Variants in CDC37 observed in about 807,000 individuals in gnomAD.
CDC37 encodes the protein cell division cycle 37, HSP90 cochaperone.
CDC37 carries 9 observed loss-of-function variants against 46.9 expected under a neutral mutation model. That is an observed-to-expected ratio of 0.19 (90% confidence interval 0.12 to 0.33). The LOEUF (loss-of-function observed/expected upper bound fraction) is 0.33, where lower values mean the gene tolerates loss of function less well. Among genes scored for constraint, CDC37 ranks in the 10% least tolerant of loss-of-function variants. The pLI is 1.00. For synonymous variants in CDC37, 193 were observed against 191.0 expected, an observed-to-expected ratio of 1.01 and a Z score of -0.09; for missense variants, 388 against 514.6, an observed-to-expected ratio of 0.75 and a Z score of 2.38.
chr19:10,401,521 G>A (rs2042518719), intron 1 of CDC37, among the ~76,000 whole-genome samples: 1 of 152,168 alleles, frequency 6.6e-6, no homozygotes, highest in South Asian at 2.1e-4. Context: ...ACAGAAATAG[G>A]TCTTCCCAAG....
At chr19:10,402,537 C>G (rs369527109) in intron 1 of CDC37, among the ~76,000 whole-genome samples, 3 of 152,130 alleles carry the variant, frequency 2.0e-5, no homozygotes, top group Non-Finnish European at 2.9e-5. Context: ...GGAAGCCAGT[C>G]TGGGAAGTGG....
chr19:10,397,415 CTT>C (rs933052804), intron 1 of CDC37, among the ~76,000 whole-genome samples: 37 of 86,826 alleles, frequency 4.3e-4, no homozygotes, highest in African/African-American at 1.7e-3. Context: ...CCAAGCCTGG[CTT>C]TTTTTTTTTT....
chr19:10,397,207 T>C (rs1363034904), intron 1 of CDC37, among the ~76,000 whole-genome samples: 3 of 152,164 alleles, frequency 2.0e-5, no homozygotes, highest in African/African-American at 7.2e-5. Flanking sequence ...ACCAGGAACG[T>C]GGCCTGGTGC....
chr19:10,400,644 G>A (rs1249466601), intron 1 of CDC37: 1 of 152,014 alleles, frequency 6.6e-6, no homozygotes, highest in African/African-American at 2.4e-5. Context: ...AAGTTGCAGT[G>A]AGCTGAGATG....
rs376416635 is a variant in CDC37 at position 10,396,042 on chromosome 19, T to C, written c.264A>G (p.Ala88=). Residue 88 remains alanine, a synonymous_variant, in exon 2 of 8, where the codon GCA becomes GCG. Transcript: ENST00000222005. This position sits in a 1 kb window ranked among gnomAD's most constrained non-coding sequence, Gnocchi z 5.9. ...TCCGCTCCTCCTTGCGCAGCTGCTG[T>C]GCCTCGGCCTGCAGGCGCTCCAGCT... ...KAELERLQAE[A]QQLRKEERSW... is the part of the protein sequence containing the mutation. The C allele has an allele frequency of 3.6e-5, 58 of 1,613,876 alleles. No homozygotes were observed. In the Middle Eastern group the frequency reaches 8.2e-4, roughly 23 times the overall value.
rs886163563 is a variant in CDC37 at position 10,391,475 on chromosome 19, G to A, written c.*76C>T. On this transcript the variant is annotated 3_prime_UTR_variant, in exon 8 of 8. Coordinates refer to ENST00000222005, the MANE Select transcript of CDC37 (RefSeq NM_007065.4). ...CAAGTAGAGGAAGTCAGGAGCGGGC[G>A]AGATGGCATCTATCTGTTTTCTGAA... 1.2e-5 allele frequency: 18 copies of A among 1,565,076 alleles called. No homozygotes were observed. In the African/African-American group the frequency reaches 1.2e-4, roughly 11 times the overall value.
At position 10,395,209 on chromosome 19, in the gene CDC37, C is replaced by G. The variant is rs372486429; in HGVS notation, c.603+19G>C. 1.9e-6 allele frequency: 3 copies of G among 1,613,896 alleles called. No individual in the cohort carries two copies. The highest frequency in any genetic ancestry group is 2.2e-5 in the East Asian group (1 of 44,866). ...TCATGGCAGCGCCTTTTCACAGTCC[C>G]GGGGAAAGCTCCACTCACCTCCTCC... On this transcript the variant is annotated intron_variant, in intron 4 of 7. Coordinates refer to ENST00000222005, the MANE Select transcript of CDC37 (RefSeq NM_007065.4).
chr19:10,402,130 C>T (rs1362138853), intron 1 of CDC37, among the ~76,000 whole-genome samples: 1 of 132,614 alleles, frequency 7.5e-6, no homozygotes, highest in African/African-American at 3.0e-5. Context: ...GCACTCCAGC[C>T]TGGGCGACAA....
Position 10,393,946 on chromosome 19 carries a change from C to T in CDC37, c.727-505G>A, listed in dbSNP as rs1307358106. ...CTCTACTAAAATACAAAAAATTAACCGGGCATGGTGGCACATGCCTGTAGT... is the reference window on the plus strand; with the variant it reads ...CTCTACTAAAATACAAAAAATTAACTGGGCATGGTGGCACATGCCTGTAGT... On this transcript the variant is annotated intron_variant, in intron 5 of 7. Coordinates refer to ENST00000222005, the MANE Select transcript of CDC37 (RefSeq NM_007065.4). The surrounding 1 kb of genome is among the most constrained non-coding windows in gnomAD (Gnocchi z 4.9). Among the ~76,000 whole-genome samples, 9 of 152,126 alleles carry T rather than the reference C, an allele frequency of 5.9e-5. No homozygotes were observed. Among genetic ancestry groups the T allele is most frequent in the Admixed American group, 4.6e-4 (7 of 15,262 alleles).
At position 10,391,453 on chromosome 19, in the gene CDC37, G is replaced by T; in HGVS notation, c.*98C>A. 6.8e-7 allele frequency: 1 copy of T among 1,476,434 alleles called. No individual in the cohort carries two copies. The highest frequency in any genetic ancestry group is 9.5e-7 in the Non-Finnish European group (1 of 1,058,196). The allele number at this position is 1,476,434 out of a possible 1,614,324, so 91.5% of individuals were successfully genotyped here. ...CCCCAGGCTGGGCCGAGCAGCGCAAGTAGAGGAAGTCAGGAGCGGGCGAGA... is the reference window on the plus strand; with the variant it reads ...CCCCAGGCTGGGCCGAGCAGCGCAATTAGAGGAAGTCAGGAGCGGGCGAGA... On this transcript the variant is annotated 3_prime_UTR_variant, in exon 8 of 8. Coordinates refer to ENST00000222005, the MANE Select transcript of CDC37 (RefSeq NM_007065.4).
At position 10,398,516 on chromosome 19, in the gene CDC37, T is replaced by C. The variant is rs2042503047; in HGVS notation, c.103-2313A>G. 6.6e-6 allele frequency among the ~76,000 whole-genome samples: 1 copy of C among 152,228 alleles called. No individual in the cohort carries two copies. The highest frequency in any genetic ancestry group is 2.1e-4 in the South Asian group (1 of 4,836). On this transcript the variant is annotated intron_variant, in intron 1 of 7. Transcript: ENST00000222005. The surrounding 1 kb of genome is among the most constrained non-coding windows in gnomAD (Gnocchi z 4.2). ...CGGCTGGGTATCCCGGGCCATCCCC[T>C]AACCTCCTGTAACCTCAGTTTCCTC...
At position 10,396,465 on chromosome 19, in the gene CDC37, T is replaced by C. The variant is rs1472890272; in HGVS notation, c.103-262A>G. 6.6e-6 allele frequency among the ~76,000 whole-genome samples: 1 copy of C among 152,152 alleles called. No homozygotes were observed. The highest frequency in any genetic ancestry group is 1.5e-5 in the Non-Finnish European group (1 of 68,030). ...TTGTCACCACAGCCTACATGGGCCCTACACAATCTGCCTCGGCACCTCCCC... is the reference window on the plus strand; with the variant it reads ...TTGTCACCACAGCCTACATGGGCCCCACACAATCTGCCTCGGCACCTCCCC... On this transcript the variant is annotated intron_variant, in intron 1 of 7. Transcript: ENST00000222005. This position sits in a 1 kb window ranked among gnomAD's most constrained non-coding sequence, Gnocchi z 5.9.
At chr19:10,399,946 A>AAAAAAAAAAAC (rs2042510293) in intron 1 of CDC37, among the ~76,000 whole-genome samples, 1 of 147,878 alleles carries the variant, frequency 6.8e-6, no homozygotes, top group African/African-American at 2.5e-5. Context: ...AAAAAAAAAA[A>AAAAAAAAAAAC]AAAAAAAAAA....
chr19:10,393,027 A>G lies in CDC37; in HGVS notation c.981+59T>C. 1 of 1,476,312 alleles carries G rather than the reference A, an allele frequency of 6.8e-7. No homozygotes were observed. The highest frequency in any genetic ancestry group is 9.5e-7 in the Non-Finnish European group (1 of 1,054,820). 91.5% of individuals were successfully genotyped at this position (1,476,312 alleles called of 1,614,324 possible). ...CCAGCCGGCTTCAGAGACTTGGGAC[A>G]CAGGGCTGGGGGAGACACACGGCCC... On this transcript the variant is annotated intron_variant, in intron 7 of 7. Coordinates refer to ENST00000222005, the MANE Select transcript of CDC37 (RefSeq NM_007065.4). The surrounding 1 kb of genome is among the most constrained non-coding windows in gnomAD (Gnocchi z 4.9).
intron 1 of CDC37, among the ~76,000 whole-genome samples, chr19:10,402,274 G>A (rs547089566): frequency 2.9e-4 from 44 of 152,012 alleles, no homozygotes; most frequent in South Asian, 1.9e-3. Flanking sequence ...CCATTGGCTC[G>A]TGAGCACTGA....
chr19:10,400,859 A>C (rs2042515202), intron 1 of CDC37, among the ~76,000 whole-genome samples: 1 of 152,038 alleles, frequency 6.6e-6, no homozygotes, highest in African/African-American at 2.4e-5. Context: ...CATGAACAGA[A>C]ATTATTTAAA....
chr19:10,393,460 G>C lies in CDC37; in HGVS notation c.727-19C>G, dbSNP rs28382792. The C allele has an allele frequency of 2.5e-3, 4,083 of 1,602,108 alleles. 94 individuals carry two copies. In the African/African-American group the frequency reaches 0.049, roughly 19 times the overall value. On this transcript the variant is annotated intron_variant, in intron 5 of 7. Coordinates refer to ENST00000222005, the MANE Select transcript of CDC37 (RefSeq NM_007065.4). This position sits in a 1 kb window ranked among gnomAD's most constrained non-coding sequence, Gnocchi z 4.9. ...CGGCTGTCTATGGGGGTTGGGCAGT[G>C]CTCACTGGACCTGGCCCAACGCTCA...
Position 10,395,981 on chromosome 19 carries a change from CCTT to C in CDC37, c.322_324del (p.Lys108del). ...TCCACGTTCCAGGGCATGCTCTTCT[CCTT>C]CTTGCGCATCTCCTCCAGCTTCTGC... On this transcript the variant is annotated inframe_deletion, in exon 2 of 8. Transcript: ENST00000222005. The C allele has an allele frequency of 6.5e-7, 1 of 1,549,634 alleles. No homozygotes were observed. The highest frequency in any genetic ancestry group is 8.8e-7 in the Non-Finnish European group (1 of 1,140,792).
chr19:10,397,339 C>A (rs763885048), intron 1 of CDC37, among the ~76,000 whole-genome samples: 17 of 151,272 alleles, frequency 1.1e-4, no homozygotes, highest in Non-Finnish European at 2.2e-4. Flanking sequence ...CTCACTGCAG[C>A]CTTGATCTCC....
Sources: allele counts gnomAD v4.1 joint callset (sites outside exome capture counted in the v4.1 genomes callset), GRCh38; gene constraint gnomAD v4.1.1; non-coding constraint Gnocchi (gnomAD v3.1); transcripts MANE v1.5; gene names NCBI Gene and HGNC (gene_info 2026-07-23, HGNC 2026-07-21).